CENPK: variants seen among roughly 807,000 people sequenced by gnomAD.
CENPK encodes centromere protein K.
CENPK carries 46 observed loss-of-function variants against 40.9 expected under a neutral mutation model. The observed-to-expected ratio is 1.13, with a 90% CI of 0.89 to 1.44. The LOEUF (loss-of-function observed/expected upper bound fraction) is 1.44, where lower values mean the gene tolerates loss of function less well. CENPK is among the 40% of genes most tolerant of loss of function. The pLI is 0.00. For missense variants in CENPK, 288 were observed against 303.5 expected (o/e 0.95, Z 0.38); for synonymous variants, 107 against 104.4 (o/e 1.02, Z -0.15).
intron 2 of CENPK, chr5:65,555,246 T>C (rs548513982): frequency 4.7e-5 from 8 of 168,422 alleles, no homozygotes; most frequent in Admixed American, 2.6e-4. Context: ...TACTGAGAAA[T>C]TGACAACTGA....
chr5:65,562,717 G>A (rs958482540), intron 1 of CENPK: 3 of 152,240 alleles, frequency 2.0e-5, no homozygotes, highest in African/African-American at 7.2e-5. Flanking sequence ...GAAGAAAGAA[G>A]AGTGACCCGT....
downstream of CENPK, among the ~76,000 whole-genome samples, chr5:65,516,605 G>A (rs1025995031): frequency 6.6e-6 from 1 of 152,070 alleles, no homozygotes; most frequent in Non-Finnish European, 1.5e-5. Context: ...AGAGGACCTG[G>A]ATAGGAAATA....
At chr5:65,520,077 G>A (rs1743436018) in intron 10 of CENPK, among the ~76,000 whole-genome samples, 3 of 152,150 alleles carry the variant, frequency 2.0e-5, no homozygotes, top group African/African-American at 4.8e-5. Flanking sequence ...CAATGTTGGA[G>A]GTGGAGCCTG....
At chr5:65,542,928 T>G in intron 5 of CENPK, 80 bp from the exon 6 acceptor site, 1 of 1,240,736 alleles carries the variant, frequency 8.1e-7, no homozygotes, top group Non-Finnish European at 1.1e-6. Context: ...TGCGGTTTTC[T>G]AAGATACTTC....
At chr5:65,514,855 T>A (rs245553), downstream of CENPK, among the ~76,000 whole-genome samples, 61,894 of 152,094 alleles carry the variant, frequency 0.41, 12,950 homozygotes, top group East Asian at 0.65. Flanking sequence ...GTTGCTCATA[T>A]CATTCCTTTA....
At chr5:65,547,212 G>C (rs1005199593) in intron 5 of CENPK, among the ~76,000 whole-genome samples, 1 of 151,900 alleles carries the variant, frequency 6.6e-6, no homozygotes, top group African/African-American at 2.4e-5. Flanking sequence ...GGCCAACATG[G>C]CAAAACCCCG....
chr5:65,547,502 AC>A (rs1749219208), intron 5 of CENPK, among the ~76,000 whole-genome samples: 1 of 152,200 alleles, frequency 6.6e-6, no homozygotes. Context: ...CAATTGTAAT[AC>A]TACACACCTA....
At chr5:65,535,500 A>G (rs1746717540) in intron 6 of CENPK, among the ~76,000 whole-genome samples, 1 of 152,196 alleles carries the variant, frequency 6.6e-6, no homozygotes, top group South Asian at 2.1e-4. Context: ...TTTTTACTCT[A>G]TGCGGATGGA....
chr5:65,549,354 C>T (rs937288502), intron 5 of CENPK, among the ~76,000 whole-genome samples: 1 of 152,124 alleles, frequency 6.6e-6, no homozygotes, highest in African/African-American at 2.4e-5. Flanking sequence ...CTTAAGGGCC[C>T]TAGGATTGCT....
At chr5:65,548,105 T>C (rs1413759753) in intron 5 of CENPK, among the ~76,000 whole-genome samples, 1 of 152,058 alleles carries the variant, frequency 6.6e-6, no homozygotes, top group Admixed American at 6.6e-5. Flanking sequence ...AAAAAGAGGG[T>C]ACAATCCAAA....
intron 2 of CENPK, among the ~76,000 whole-genome samples, chr5:65,558,469 T>G (rs1279332493): frequency 6.6e-6 from 1 of 152,174 alleles, no homozygotes; most frequent in African/African-American, 2.4e-5. Context: ...TGCTAGGAAC[T>G]TGTAGAAATT....
chr5:65,505,732 C>A, the CENPK span, among the ~76,000 whole-genome samples: 1 of 152,232 alleles, frequency 6.6e-6, no homozygotes, highest in Admixed American at 6.5e-5. Context: ...ACATGCTTTT[C>A]CAAAGACTTC....
At chr5:65,530,773 G>A (rs1301587310) in intron 6 of CENPK, among the ~76,000 whole-genome samples, 1 of 151,726 alleles carries the variant, frequency 6.6e-6, no homozygotes, top group Non-Finnish European at 1.5e-5. Flanking sequence ...AGCCAGGCAT[G>A]GTGCCACATG....
At chr5:65,500,662 G>A in the CENPK span, among the ~76,000 whole-genome samples, 84 of 151,534 alleles carry the variant, frequency 5.5e-4, no homozygotes, top group Non-Finnish European at 8.4e-4. Context: ...TTGTTTTTTC[G>A]GTTTTTTGTT....
At chr5:65,510,214 C>A in the CENPK span, among the ~76,000 whole-genome samples, 2 of 151,894 alleles carry the variant, frequency 1.3e-5, no homozygotes, top group Admixed American at 6.6e-5. Flanking sequence ...CAATAGTTAC[C>A]CAAGTAGTGA....
the CENPK span, among the ~76,000 whole-genome samples, chr5:65,496,397 T>C: frequency 1.3e-5 from 2 of 152,176 alleles, no homozygotes; most frequent in Non-Finnish European, 2.9e-5. Flanking sequence ...ATAGAAAAAT[T>C]GTTAAAATAA....
the CENPK span, among the ~76,000 whole-genome samples, chr5:65,498,626 T>C: frequency 7.1e-5 from 10 of 141,012 alleles, no homozygotes; most frequent in Middle Eastern, 3.7e-3. Flanking sequence ...TCTTTCTTTT[T>C]CTTTTTTCTT....
the CENPK span, among the ~76,000 whole-genome samples, chr5:65,512,091 C>T: frequency 6.6e-6 from 1 of 152,152 alleles, no homozygotes; most frequent in Non-Finnish European, 1.5e-5. Flanking sequence ...ATCAAGAGAA[C>T]TAGAGGTGGA....
chr5:65,499,690 T>C, the CENPK span, among the ~76,000 whole-genome samples: 2 of 131,998 alleles, frequency 1.5e-5, no homozygotes, highest in African/African-American at 2.9e-5. Flanking sequence ...TATTATACTC[T>C]AAGTTTTAGG....
Sources: allele counts gnomAD v4.1 joint callset (sites outside exome capture counted in the v4.1 genomes callset), GRCh38; gene constraint gnomAD v4.1.1; transcripts MANE v1.5; gene names NCBI Gene and HGNC (gene_info 2026-07-23, HGNC 2026-07-21).